CBFB: variants seen among roughly 807,000 people sequenced by gnomAD.
CBFB encodes core-binding factor subunit beta.
In CBFB, 9 loss-of-function variants were observed where a neutral mutation model predicts 30.4. That is an observed-to-expected ratio of 0.30 (90% confidence interval 0.18 to 0.52). The LOEUF (loss-of-function observed/expected upper bound fraction) is 0.52, where lower values mean the gene tolerates loss of function less well. CBFB is among the 20% of genes least tolerant of loss of function. The pLI is 0.97. For synonymous variants in CBFB, 94 were observed against 84.0 expected (o/e 1.12, Z -0.65); for missense variants, 170 against 244.0 (o/e 0.70, Z 2.02).
At chr16:67,065,033 G>T (rs906462945) in intron 3 of CBFB, among the ~76,000 whole-genome samples, 2 of 152,154 alleles carry the variant, frequency 1.3e-5, no homozygotes, top group African/African-American at 4.8e-5. Context: ...GAGTAGCTGG[G>T]ATTATAGCTG....
intron 5 of CBFB, 96 bp downstream of exon 5, chr16:67,082,404 G>C (rs1440794408): frequency 7.1e-7 from 1 of 1,409,554 alleles, no homozygotes; most frequent in African/African-American, 1.4e-5. Context: ...CTTTTTAATA[G>C]TTTAATTTTG....
At chr16:67,098,429 G>A (rs543620443) in intron 5 of CBFB, among the ~76,000 whole-genome samples, 16 of 152,080 alleles carry the variant, frequency 1.1e-4, no homozygotes, top group African/African-American at 2.9e-4. Context: ...GAGCCACTGC[G>A]CCCAGTGCTA....
intron 4 of CBFB, among the ~76,000 whole-genome samples, chr16:67,078,775 G>A (rs1325996719): frequency 1.3e-5 from 2 of 152,064 alleles, no homozygotes; most frequent in Non-Finnish European, 2.9e-5. Flanking sequence ...TCAGCCTCCC[G>A]AGTAGCTGGG....
chr16:67,058,131 T>C (rs573651365), intron 3 of CBFB, among the ~76,000 whole-genome samples: 1 of 151,152 alleles, frequency 6.6e-6, no homozygotes, highest in South Asian at 2.1e-4. Flanking sequence ...TCAAATCGGT[T>C]GTTGTTGTTG....
chr16:67,039,512 A>G (rs1966495965), intron 3 of CBFB, among the ~76,000 whole-genome samples: 1 of 152,236 alleles, frequency 6.6e-6, no homozygotes, highest in South Asian at 2.1e-4. Context: ...TAAAATGGCT[A>G]TGATGTCACT....
chr16:67,042,130 C>T (rs1457441025), intron 3 of CBFB, among the ~76,000 whole-genome samples: 2 of 151,948 alleles, frequency 1.3e-5, no homozygotes, highest in Non-Finnish European at 2.9e-5. Flanking sequence ...TGTTATATTG[C>T]CTAGGTTGGT....
At chr16:67,053,008 C>CAA (rs574234817) in intron 3 of CBFB, among the ~76,000 whole-genome samples, 6,067 of 121,842 alleles carry the variant, frequency 0.05, 437 homozygotes, top group African/African-American at 0.16. Context: ...GATGCTATCT[C>CAA]AAAAAAAAAA....
At chr16:67,033,280 CTG>C (rs1966383786) in intron 2 of CBFB, among the ~76,000 whole-genome samples, 1 of 152,210 alleles carries the variant, frequency 6.6e-6, no homozygotes, top group African/African-American at 2.4e-5. Context: ...GAGTTTTTAA[CTG>C]TAAAACCCAA....
intron 4 of CBFB, among the ~76,000 whole-genome samples, chr16:67,075,271 T>C (rs879687113): frequency 6.6e-6 from 1 of 150,952 alleles, no homozygotes; most frequent in Non-Finnish European, 1.5e-5. Context: ...AATATTTTCA[T>C]TGAAAGGAAA....
intron 5 of CBFB, 51 bp downstream of exon 5, chr16:67,082,359 C>A (rs748810937): frequency 6.2e-7 from 1 of 1,600,532 alleles, no homozygotes; most frequent in South Asian, 1.1e-5. Flanking sequence ...TTCCCCCAAA[C>A]TCTCAGGCTG....
chr16:67,092,066 CT>C (rs1214630309), intron 5 of CBFB, among the ~76,000 whole-genome samples: 3 of 152,122 alleles, frequency 2.0e-5, no homozygotes, highest in African/African-American at 7.2e-5. Flanking sequence ...CCCTTCCCCC[CT>C]ACCCCTTGAC....
Position 67,092,107 on chromosome 16 carries a change from G to A in CBFB, c.496-6603G>A, listed in dbSNP as rs981475748. Among the ~76,000 whole-genome samples the A allele has an allele frequency of 5.3e-5, 8 of 151,272 alleles. 1 individual carries two copies. The highest frequency in any genetic ancestry group is 1.9e-4 in the African/African-American group (8 of 41,104). On this transcript the variant is annotated intron_variant, in intron 5 of 5. Transcript: ENST00000412916. ...CCCTGTGTGTGACATTCCCTTCCCT[G>A]TGTGTGATGTTCCCCTCCCTGTGTC...
intron 4 of CBFB, among the ~76,000 whole-genome samples, chr16:67,077,192 T>C (rs754664852): frequency 2.0e-5 from 3 of 152,232 alleles, no homozygotes; most frequent in Non-Finnish European, 4.4e-5. Context: ...TAAATGACTT[T>C]GTTTTGGCAA....
intron 4 of CBFB, among the ~76,000 whole-genome samples, chr16:67,078,856 ATG>A (rs1961478287): frequency 6.6e-6 from 1 of 152,104 alleles, no homozygotes; most frequent in South Asian, 2.1e-4. Context: ...GGGTTTCACC[ATG>A]TTGGCCAGGG....
intron 5 of CBFB, among the ~76,000 whole-genome samples, chr16:67,098,301 A>AT (rs1962115723): frequency 6.6e-6 from 1 of 151,840 alleles, no homozygotes; most frequent in Admixed American, 6.6e-5. Flanking sequence ...TGCCTGGCTA[A>AT]TTTTTTTGTA....
At chr16:67,048,241 CCAAA>C (rs201515744) in intron 3 of CBFB, among the ~76,000 whole-genome samples, 3,319 of 151,984 alleles carry the variant, frequency 0.022, 79 homozygotes, top group Non-Finnish European at 0.027. Context: ...GGCTCCATCT[CCAAA>C]CAAACAAATA....
chr16:67,042,294 G>A (rs1597126815), intron 3 of CBFB, among the ~76,000 whole-genome samples: 1 of 151,960 alleles, frequency 6.6e-6, no homozygotes, highest in Non-Finnish European at 1.5e-5. Flanking sequence ...TGACTAGGAC[G>A]ACAGATATTT....
rs1298975033 is a variant in CBFB, at chr16:67,100,348, CAG to C, written c.*1572_*1573del. 7 of 221,858 alleles carry C rather than the reference CAG, an allele frequency of 3.2e-5. No individual in the cohort carries two copies. Among genetic ancestry groups the C allele is most frequent in the South Asian group, 1.9e-4 (1 of 5,400 alleles). The allele number at this position is 221,858 out of a possible 1,614,324, so 13.7% of individuals were successfully genotyped here. On this transcript the variant is annotated 3_prime_UTR_variant, in exon 6 of 6. Transcript: ENST00000412916. The stretch of plus-strand genomic sequence containing the variant: ...TTGTATATAGGTCTTATTTCATAAA[CAG>C]ATATCCTGTATCAAATAAAAGTATT...
In CBFB at chr16:67,029,448, A is replaced by G. The variant is rs1966290279; in HGVS notation, c.41A>G (p.Asn14Ser). ...CCCGACCAGAGAAGCAAGTTCGAGA[A>G]CGAGGAGTTTTTTAGGAAGCTGAGC... ...VVPDQRSKFE[N>S]EEFFRKLSRE... is the part of the protein sequence containing the mutation. Residue 14 changes from asparagine (N) to serine (S), a missense_variant, in exon 1 of 6, where the codon AAC (asparagine) becomes AGC (serine). Physicochemically the swap from Asn to Ser is conservative, Grantham distance 46 (BLOSUM62 1). Coordinates refer to ENST00000412916, the MANE Select transcript of CBFB (RefSeq NM_022845.3). 1.3e-6 allele frequency: 2 copies of G among 1,590,614 alleles called. No homozygotes were observed. The highest frequency in any genetic ancestry group is 2.4e-5 in the East Asian group (1 of 42,436).
Sources: allele counts gnomAD v4.1 joint callset (sites outside exome capture counted in the v4.1 genomes callset), GRCh38; gene constraint gnomAD v4.1.1; transcripts MANE v1.5; gene names NCBI Gene and HGNC (gene_info 2026-07-23, HGNC 2026-07-21).